CTNNA1: variants seen among roughly 807,000 people sequenced by gnomAD.
CTNNA1 encodes catenin alpha 1.
CTNNA1 carries 37 observed loss-of-function variants against 98.4 expected under a neutral mutation model. That is an observed-to-expected ratio of 0.38 (90% CI 0.29 to 0.49). The LOEUF is 0.49. Ranked by LOEUF, CTNNA1 falls within the 20% of genes least tolerant of loss-of-function variation. The pLI, the probability that CTNNA1 is intolerant of heterozygous loss-of-function variation, is 0.95. For synonymous variants in CTNNA1, 404 were observed against 413.2 expected (o/e 0.98, Z 0.27); for missense variants, 761 against 1,147.2 (o/e 0.66, Z 4.86).
At chr5:138,845,930 G>T (rs1449514510) in intron 7 of CTNNA1, among the ~76,000 whole-genome samples, 8 of 21,004 alleles carry the variant, frequency 3.8e-4, no homozygotes, top group Non-Finnish European at 1.2e-3. Context: ...TTGTTTTTTT[G>T]TTTTTTGTTT....
In CTNNA1 at chr5:138,827,500, A is replaced by T; in HGVS notation, c.859-15A>T. On this transcript the variant is annotated splice_polypyrimidine_tract_variant and intron_variant, in intron 6 of 17. Transcript: ENST00000302763. ...CAGAGATGAGTACTAACATTCGGTA[A>T]TACTTTCTCTGCAGAAACAAATCAT... 1 of 1,613,314 alleles carries T rather than the reference A, an allele frequency of 6.2e-7. No homozygotes were observed. The highest frequency in any genetic ancestry group is 8.5e-7 in the Non-Finnish European group (1 of 1,179,248).
At chr5:138,824,063 C>T (rs1339389735) in intron 5 of CTNNA1, among the ~76,000 whole-genome samples, 2 of 149,926 alleles carry the variant, frequency 1.3e-5, no homozygotes, top group South Asian at 2.1e-4. Context: ...ATCTTTCTAT[C>T]GTTGGTTGGT....
At chr5:138,908,072 G>C (rs1055988404) in intron 10 of CTNNA1, among the ~76,000 whole-genome samples, 4 of 151,974 alleles carry the variant, frequency 2.6e-5, no homozygotes, top group Non-Finnish European at 5.9e-5. Context: ...CCGCCTCCAG[G>C]GTTCAAGCAA....
intron 3 of CTNNA1, among the ~76,000 whole-genome samples, chr5:138,801,079 C>G (rs984523655): frequency 5.3e-5 from 8 of 152,122 alleles, no homozygotes; most frequent in Non-Finnish European, 2.9e-5. Flanking sequence ...GTGAACTGCT[C>G]AGGTGGAGAT....
chr5:138,912,868 G>T (rs1760948040), intron 10 of CTNNA1, among the ~76,000 whole-genome samples: 1 of 151,914 alleles, frequency 6.6e-6, no homozygotes, highest in African/African-American at 2.4e-5. Flanking sequence ...TGCTGTTTTG[G>T]TGTTTTCCTT....
intron 7 of CTNNA1, among the ~76,000 whole-genome samples, chr5:138,852,724 C>T (rs1763312425): frequency 6.6e-6 from 1 of 151,916 alleles, no homozygotes; most frequent in African/African-American, 2.4e-5. Context: ...TTCCCTCCTT[C>T]CCTTCTCCTC....
Position 138,770,679 on chromosome 5 carries a change from G to A in CTNNA1, c.-2-11244G>A, listed in dbSNP as rs189699278. ...TCAAGACAGAAAGACCTCGCCGGGC[G>A]CGGTGGCTCATGCCTTTAATCCCAG... is the stretch of plus-strand genomic sequence containing the variant. On this transcript the variant is annotated intron_variant, in intron 1 of 17. Coordinates refer to ENST00000302763, the MANE Select transcript of CTNNA1 (RefSeq NM_001903.5). Among the ~76,000 whole-genome samples, 9 of 152,218 alleles carry A rather than the reference G, an allele frequency of 5.9e-5. 1 individual carries two copies. In the East Asian group the frequency reaches 1.4e-3, roughly 23 times the overall value.
At chr5:138,917,658 T>A in intron 10 of CTNNA1, 84 bp from the exon 11 acceptor site, 1 of 1,367,712 alleles carries the variant, frequency 7.3e-7, no homozygotes, top group Non-Finnish European at 1.0e-6. Flanking sequence ...GAGCATGTGG[T>A]GTGATGTCTC....
At chr5:138,867,317 A>G (rs944101927) in intron 7 of CTNNA1, among the ~76,000 whole-genome samples, 14 of 152,286 alleles carry the variant, frequency 9.2e-5, no homozygotes, top group African/African-American at 1.2e-4. Flanking sequence ...GGCTTTGCCT[A>G]TTCCTCCATG....
chr5:138,768,558 GTTTTTTTTTTT>G (rs36038829), intron 1 of CTNNA1, among the ~76,000 whole-genome samples: 28 of 67,556 alleles, frequency 4.1e-4, no homozygotes, highest in African/African-American at 1.3e-3. Flanking sequence ...AACGGTGTCT[GTTTTTTTTTTT>G]TTTTTTTTTT....
At chr5:138,796,750 C>G (rs1288821717) in intron 3 of CTNNA1, among the ~76,000 whole-genome samples, 2 of 152,160 alleles carry the variant, frequency 1.3e-5, no homozygotes, top group Non-Finnish European at 2.9e-5. Context: ...TTGATGGTGT[C>G]TAACTCTTCT....
chr5:138,898,963 C>G (rs535630583), intron 9 of CTNNA1, among the ~76,000 whole-genome samples: 37 of 152,158 alleles, frequency 2.4e-4, no homozygotes, highest in South Asian at 1.7e-3. Flanking sequence ...AAGTCAATAT[C>G]ACTTTAAATT....
At chr5:138,801,350 G>T (rs896525444) in intron 3 of CTNNA1, among the ~76,000 whole-genome samples, 3 of 152,124 alleles carry the variant, frequency 2.0e-5, no homozygotes, top group African/African-American at 4.8e-5. Flanking sequence ...GATAAAATAG[G>T]CTAGTATCTA....
Position 138,924,282 on chromosome 5 carries a change from G to GT in CTNNA1, c.1547-215dup, listed in dbSNP as rs750282557. Among the ~76,000 whole-genome samples, 5,339 of 141,264 alleles carry GT rather than the reference G, an allele frequency of 0.038. 277 individuals carry two copies. The highest frequency in any genetic ancestry group is 0.13 in the African/African-American group (4,804 of 38,224). The allele number at this position is 141,264 out of a possible 152,430, so 92.7% of individuals were successfully genotyped here. The stretch of plus-strand genomic sequence containing the variant: ...TTTTTGTGTGTGTTTTTTATTTTTT[G>GT]TTTTTTTTTTTTTAAAAACCTGGAA... On this transcript the variant is annotated intron_variant, in intron 11 of 17. Transcript: ENST00000302763.
rs549290121 is a variant in CTNNA1 at position 138,859,418 on chromosome 5, C to T, written c.1063-26794C>T. 9.8e-5 allele frequency among the ~76,000 whole-genome samples: 15 copies of T among 152,318 alleles called. No individual in the cohort carries two copies. In the South Asian group the frequency reaches 2.9e-3, roughly 29 times the overall value. ...CATCTAGGCTAGTGACTTTAAATAC[C>T]TGTATTCACGGATGATGACTTCTAA... On this transcript the variant is annotated intron_variant, in intron 7 of 17. Coordinates refer to ENST00000302763, the MANE Select transcript of CTNNA1 (RefSeq NM_001903.5).
chr5:138,931,394 T>C (rs10068280), intron 16 of CTNNA1, among the ~76,000 whole-genome samples: 47,172 of 152,156 alleles, frequency 0.31, 7,579 homozygotes, highest in African/African-American at 0.39. Context: ...TTTGGTGTTT[T>C]AAGCCTGATC....
At position 138,910,787 on chromosome 5, in the gene CTNNA1, A is replaced by G. The variant is rs149240917; in HGVS notation, c.1389+6346A>G. 4.7e-3 allele frequency among the ~76,000 whole-genome samples: 723 copies of G among 152,298 alleles called. 3 individuals carry two copies. The highest frequency in any genetic ancestry group is 0.015 in the African/African-American group (608 of 41,566). ...AGAGCTCCAGGCAGAGAGAACAGCA[A>G]GTGCAAAAGCTTGGAGGAAGGAGAT... On this transcript the variant is annotated intron_variant, in intron 10 of 17. Coordinates refer to ENST00000302763, the MANE Select transcript of CTNNA1 (RefSeq NM_001903.5).
chr5:138,835,537 G>A (rs1023762752), intron 7 of CTNNA1, among the ~76,000 whole-genome samples: 2 of 152,154 alleles, frequency 1.3e-5, no homozygotes, highest in African/African-American at 2.4e-5. Context: ...ACAGGATTTG[G>A]GAGAGTTTAT....
chr5:138,759,142 A>G lies in CTNNA1; in HGVS notation c.-3+5632A>G, dbSNP rs150871514. 3.7e-3 allele frequency among the ~76,000 whole-genome samples: 567 copies of G among 151,862 alleles called. 3 individuals are homozygous for G. The highest frequency in any genetic ancestry group is 0.013 in the African/African-American group (545 of 41,456). On this transcript the variant is annotated intron_variant, in intron 1 of 17. Transcript: ENST00000302763. ...TATTGGTTAATTTTTTTTTTCTTTT[A>G]ATGGGTCATACTTTCCTGTATCTTT...
Sources: gnomAD v4.1 joint callset for allele counts (sites outside exome capture counted in the v4.1 genomes callset) on GRCh38, gnomAD v4.1.1 for gene constraint, MANE v1.5 for transcripts, NCBI Gene and HGNC (gene_info 2026-07-23, HGNC 2026-07-21) for gene names.